SLC35F3: variants seen among roughly 807,000 people sequenced by gnomAD.
The protein encoded by SLC35F3 is putative thiamine transporter SLC35F3.
Under a neutral mutation model 49.9 loss-of-function variants are expected in SLC35F3, and 25 were observed. The ratio of observed to expected loss-of-function variants is 0.50; its 90% CI spans 0.37 to 0.70. The LOEUF (loss-of-function observed/expected upper bound fraction) is 0.70. Ranked by LOEUF, SLC35F3 falls within the 30% of genes least tolerant of loss-of-function variation. SLC35F3 has a pLI of 0.00. For missense variants in SLC35F3, 525 were observed against 639.8 expected (o/e 0.82, Z 1.94); for synonymous variants, 275 against 265.4 (o/e 1.04, Z -0.35).
chr1:233,941,014 C>A (rs1004522638), intron 2 of SLC35F3, among the ~76,000 whole-genome samples: 1 of 152,140 alleles, frequency 6.6e-6, no homozygotes, highest in Non-Finnish European at 1.5e-5. Flanking sequence ...TTATTTTTCC[C>A]CAGTTGTCAC....
At chr1:233,922,084 A>G (rs1191737188) in intron 2 of SLC35F3, among the ~76,000 whole-genome samples, 3 of 152,194 alleles carry the variant, frequency 2.0e-5, no homozygotes, top group Non-Finnish European at 4.4e-5. Context: ...GCTATTGTGA[A>G]TAGTGCTGCA....
chr1:234,253,980 G>C (rs1370636705), intron 3 of SLC35F3, among the ~76,000 whole-genome samples: 2 of 152,148 alleles, frequency 1.3e-5, no homozygotes, highest in African/African-American at 4.8e-5. Flanking sequence ...CTCTCACATG[G>C]GGATCCTTTA....
intron 3 of SLC35F3, among the ~76,000 whole-genome samples, chr1:234,282,566 G>A (rs1028798240): frequency 2.0e-5 from 3 of 152,238 alleles, no homozygotes; most frequent in Non-Finnish European, 4.4e-5. Context: ...GCGACCAGGT[G>A]TGTCTCCCTC....
chr1:234,309,576 A>G (rs1175704181), intron 4 of SLC35F3, among the ~76,000 whole-genome samples: 1 of 152,168 alleles, frequency 6.6e-6, no homozygotes, highest in African/African-American at 2.4e-5. Flanking sequence ...AGCATTCCCT[A>G]AAGTGTGTGC....
intron 2 of SLC35F3, among the ~76,000 whole-genome samples, chr1:234,017,631 A>G (rs1663823465): frequency 6.8e-6 from 1 of 147,778 alleles, no homozygotes; most frequent in Non-Finnish European, 1.5e-5. Flanking sequence ...GGAGAATGGC[A>G]TGAACCCATG....
Position 233,905,122 on chromosome 1 carries a change from C to T in SLC35F3, c.45C>T (p.Ser15=), listed in dbSNP as rs1571972704. 1 of 1,559,234 alleles carries T rather than the reference C, an allele frequency of 6.4e-7. No individual in the cohort carries two copies. Among genetic ancestry groups the T allele is most frequent in the East Asian group, 2.4e-5 (1 of 42,266 alleles). Reference sequence around the variant, plus strand: ...CCAGCGGCGCACCCAGGGGCAAGAGCATTGCCGTGTGAGTAGCGCCCCGGG... The same window carrying T: ...CCAGCGGCGCACCCAGGGGCAAGAGTATTGCCGTGTGAGTAGCGCCCCGGG... ...EFPSGAPRGK[S]IAVGMRRSPD... Residue 15 remains serine (S), a synonymous_variant, in exon 1 of 8, where the codon AGC becomes AGT. Transcript: ENST00000366618.
chr1:233,924,461 G>C (rs1309505853), intron 2 of SLC35F3, among the ~76,000 whole-genome samples: 1 of 152,206 alleles, frequency 6.6e-6, no homozygotes, highest in Non-Finnish European at 1.5e-5. Flanking sequence ...TCTGATGGTA[G>C]TTTGTATTTC....
At chr1:234,152,587 G>A (rs527841934) in intron 2 of SLC35F3, among the ~76,000 whole-genome samples, 5 of 152,184 alleles carry the variant, frequency 3.3e-5, no homozygotes, top group African/African-American at 4.8e-5. Flanking sequence ...ATAGTATTCC[G>A]TGGTGTATAT....
At chr1:234,002,973 C>A (rs1438081682) in intron 2 of SLC35F3, among the ~76,000 whole-genome samples, 2 of 152,168 alleles carry the variant, frequency 1.3e-5, no homozygotes, top group South Asian at 2.1e-4. Context: ...GTTCCTTTGA[C>A]ATACCTCCAT....
chr1:234,227,392 CTTTTTTTTTT>C (rs369277069), intron 2 of SLC35F3, among the ~76,000 whole-genome samples: 1 of 108,718 alleles, frequency 9.2e-6, no homozygotes. Flanking sequence ...CTCTTTCTTT[CTTTTTTTTTT>C]TTTTTTTTTT....
intron 2 of SLC35F3, among the ~76,000 whole-genome samples, chr1:234,080,630 A>G (rs551887835): frequency 6.6e-6 from 1 of 152,340 alleles, no homozygotes; most frequent in Non-Finnish European, 1.5e-5. Flanking sequence ...AATCCTGAAA[A>G]CATTATGATA....
At chr1:234,065,463 A>C (rs1032729156) in intron 2 of SLC35F3, among the ~76,000 whole-genome samples, 25 of 152,198 alleles carry the variant, frequency 1.6e-4, no homozygotes, top group African/African-American at 6.0e-4. Context: ...CTTATTTTTT[A>C]AAATAAATTG....
At chr1:234,091,284 C>G (rs776389124) in intron 2 of SLC35F3, among the ~76,000 whole-genome samples, 2 of 152,282 alleles carry the variant, frequency 1.3e-5, no homozygotes, top group Non-Finnish European at 1.5e-5. Context: ...GGCTTTTGTT[C>G]TCCAGCCCTG....
intron 2 of SLC35F3, among the ~76,000 whole-genome samples, chr1:233,996,864 A>G (rs149694961): frequency 1.3e-5 from 2 of 152,306 alleles, no homozygotes; most frequent in African/African-American, 2.4e-5. Flanking sequence ...TGAAATTTGA[A>G]TAGCTGGCAA....
chr1:233,946,998 G>A (rs766647922), intron 2 of SLC35F3, among the ~76,000 whole-genome samples: 28 of 152,186 alleles, frequency 1.8e-4, no homozygotes, highest in Non-Finnish European at 1.5e-4. Context: ...TGATAGATAA[G>A]CAAGTAAAAT....
intron 3 of SLC35F3, among the ~76,000 whole-genome samples, chr1:234,267,660 G>A (rs1328957775): frequency 1.3e-5 from 2 of 151,688 alleles, no homozygotes; most frequent in East Asian, 2.0e-4. Flanking sequence ...CCTCCCGGAC[G>A]GGGCGGCTGC....
chr1:234,162,381 C>CAAAAA, intron 2 of SLC35F3, among the ~76,000 whole-genome samples: 1 of 58,568 alleles, frequency 1.7e-5, no homozygotes, highest in Non-Finnish European at 3.0e-5. Flanking sequence ...AGCCTCTGTG[C>CAAAAA]AAAAAAAAAA....
At chr1:234,218,327 G>A (rs935450646) in intron 2 of SLC35F3, among the ~76,000 whole-genome samples, 1 of 152,214 alleles carries the variant, frequency 6.6e-6, no homozygotes, top group Admixed American at 6.5e-5. Context: ...TGTGGAAAGG[G>A]TGAGGGCTTT....
chr1:234,145,059 A>C (rs1665976534), intron 2 of SLC35F3, among the ~76,000 whole-genome samples: 1 of 152,222 alleles, frequency 6.6e-6, no homozygotes, highest in Non-Finnish European at 1.5e-5. Flanking sequence ...AGGTTAACAA[A>C]GGAAATATTA....
Sources: gnomAD v4.1 joint callset for allele counts (sites outside exome capture counted in the v4.1 genomes callset) on GRCh38, gnomAD v4.1.1 for gene constraint, MANE v1.5 for transcripts, NCBI Gene and HGNC (gene_info 2026-07-23, HGNC 2026-07-21) for gene names.